Variants in WASF3 observed in about 807,000 individuals in gnomAD.
WASF3 encodes the protein WASP family member 3.
WASF3 carries 11 observed loss-of-function variants against 46.6 expected under a neutral mutation model. The observed-to-expected ratio is 0.24, with a 90% CI of 0.15 to 0.39. The LOEUF is 0.39. WASF3 is among the 10% of genes least tolerant of loss of function. The pLI, the probability that WASF3 is intolerant of heterozygous loss-of-function variation, is 1.00. For missense variants in WASF3, 576 were observed against 669.8 expected (o/e 0.86, Z 1.55); for synonymous variants, 242 against 259.7 (o/e 0.93, Z 0.65).
chr13:26,623,067 A>G (rs1009967989), intron 2 of WASF3, among the ~76,000 whole-genome samples: 40 of 152,242 alleles, frequency 2.6e-4, no homozygotes, highest in African/African-American at 9.4e-4. Flanking sequence ...GGGAACAGGT[A>G]ACCATCATAG....
At chr13:26,646,535 C>T (rs1014802129) in intron 3 of WASF3, among the ~76,000 whole-genome samples, 2 of 152,160 alleles carry the variant, frequency 1.3e-5, no homozygotes, top group Non-Finnish European at 2.9e-5. Context: ...ACCTGTGTCA[C>T]TCCCCTCCCA....
chr13:26,569,904 C>T (rs1593371134), intron 1 of WASF3, among the ~76,000 whole-genome samples: 1 of 152,202 alleles, frequency 6.6e-6, no homozygotes, highest in Admixed American at 6.5e-5. Context: ...AGATTTTTAA[C>T]AAGATATTCA....
At chr13:26,611,492 T>G (rs758485074) in intron 1 of WASF3, among the ~76,000 whole-genome samples, 2 of 152,226 alleles carry the variant, frequency 1.3e-5, no homozygotes, top group Non-Finnish European at 2.9e-5. Context: ...ACATAGGATG[T>G]TGGACATTTT....
At chr13:26,562,156 T>C (rs1335898736) in intron 1 of WASF3, among the ~76,000 whole-genome samples, 2 of 152,280 alleles carry the variant, frequency 1.3e-5, no homozygotes, top group East Asian at 1.9e-4. Context: ...ATGGAAGCTG[T>C]TGGAGTAGAT....
At chr13:26,578,993 CTTTTTTT>C (rs200299739) in intron 1 of WASF3, among the ~76,000 whole-genome samples, 644 of 60,676 alleles carry the variant, frequency 0.011, 15 homozygotes, top group African/African-American at 0.043. Context: ...GATACATTTC[CTTTTTTT>C]TTTTTTTTTT....
At chr13:26,543,945 G>A in the WASF3 span, among the ~76,000 whole-genome samples, 31 of 152,234 alleles carry the variant, frequency 2.0e-4, no homozygotes, top group African/African-American at 7.0e-4. Context: ...TGACATATAG[G>A]CTCGTTCCTT....
chr13:26,595,568 CAT>C (rs1159979589), intron 1 of WASF3, among the ~76,000 whole-genome samples: 13 of 152,216 alleles, frequency 8.5e-5, no homozygotes, highest in East Asian at 7.7e-4. Context: ...AGTTTTAGCA[CAT>C]GTGTAGATTC....
intron 1 of WASF3, among the ~76,000 whole-genome samples, chr13:26,564,900 G>GTTTTTTTTTTTTTTTTTTTTTTTTTTTT (rs66809412): frequency 7.3e-5 from 6 of 81,636 alleles, no homozygotes; most frequent in South Asian, 1.1e-3. Flanking sequence ...CAAGGTTGTG[G>GTTTTTTTTTTTTTTTTTTTTTTTTTTTT]TTTTTTTTTT....
rs760968762 is a variant in WASF3, at chr13:26,685,867, G to A, written c.*22G>A. ...CTGAGCAAAGGCCGGCGGAGAGGCCGCGTGTGGGAGCGTGTTGAAGATTTT... is the reference window on the plus strand; with the variant it reads ...CTGAGCAAAGGCCGGCGGAGAGGCCACGTGTGGGAGCGTGTTGAAGATTTT... On this transcript the variant is annotated 3_prime_UTR_variant, in exon 10 of 10. Coordinates refer to ENST00000335327, the MANE Select transcript of WASF3 (RefSeq NM_006646.6). 1.7e-5 allele frequency: 27 copies of A among 1,603,624 alleles called. No homozygotes were observed. In the East Asian group the frequency reaches 3.6e-4, roughly 21 times the overall value.
intron 1 of WASF3, among the ~76,000 whole-genome samples, chr13:26,593,280 C>T (rs1403557947): frequency 6.6e-6 from 1 of 152,158 alleles, no homozygotes; most frequent in Non-Finnish European, 1.5e-5. Context: ...CATGGGCTTC[C>T]CTCAGCGTAC....
chr13:26,628,055 G>A (rs995736847), intron 2 of WASF3, among the ~76,000 whole-genome samples: 14 of 69,010 alleles, frequency 2.0e-4, no homozygotes, highest in African/African-American at 9.3e-4. Context: ...CCCGTACATG[G>A]AAATGTGTTT....
At chr13:26,622,291 G>T (rs1390557573) in intron 2 of WASF3, among the ~76,000 whole-genome samples, 1 of 152,118 alleles carries the variant, frequency 6.6e-6, no homozygotes, top group East Asian at 1.9e-4. Context: ...AGTGGAGAAA[G>T]AAATCCACTA....
intron 1 of WASF3, among the ~76,000 whole-genome samples, chr13:26,574,242 A>G (rs1879724626): frequency 6.6e-6 from 1 of 152,162 alleles, no homozygotes; most frequent in Non-Finnish European, 1.5e-5. Flanking sequence ...CAGAACAACT[A>G]CTTTGTTGGT....
intron 1 of WASF3, among the ~76,000 whole-genome samples, chr13:26,597,401 C>T (rs927527512): frequency 6.6e-6 from 1 of 152,224 alleles, no homozygotes; most frequent in African/African-American, 2.4e-5. Context: ...TCCGAAAGTG[C>T]TGGGATTACA....
At chr13:26,638,917 A>C (rs767921609) in intron 2 of WASF3, among the ~76,000 whole-genome samples, 5 of 152,174 alleles carry the variant, frequency 3.3e-5, no homozygotes, top group Non-Finnish European at 7.3e-5. Flanking sequence ...TGGGTGGTTA[A>C]AAAGAGTCTG....
chr13:26,567,825 G>GTA lies in WASF3; in HGVS notation c.-109+10017_-109+10018dup, dbSNP rs550819221. 6.5e-3 allele frequency among the ~76,000 whole-genome samples: 990 copies of GTA among 151,756 alleles called. 5 individuals are homozygous for GTA. Among genetic ancestry groups the GTA allele is most frequent in the Middle Eastern group, 0.014 (4 of 294 alleles). ...TATACGTGTATATATACGTGTGTGTGTATATATATATAAAGAAAGCGAAGC... is the reference window on the plus strand; with the variant it reads ...TATACGTGTATATATACGTGTGTGTGTATATATATATATAAAGAAAGCGAAGC... On this transcript the variant is annotated intron_variant, in intron 1 of 9. Coordinates refer to ENST00000335327, the MANE Select transcript of WASF3 (RefSeq NM_006646.6).
intron 3 of WASF3, among the ~76,000 whole-genome samples, chr13:26,644,046 G>T (rs142087474): frequency 1.4e-4 from 21 of 152,314 alleles, no homozygotes; most frequent in African/African-American, 4.8e-4. Context: ...ATCCACAAGG[G>T]TTCTTTAAAT....
intron 1 of WASF3, chr13:26,577,526 G>C: frequency 7.6e-7 from 1 of 1,309,982 alleles, no homozygotes; most frequent in Non-Finnish European, 1.1e-6. Context: ...CGTTAGAAAA[G>C]TAAAAATGCT....
chr13:26,668,698 C>A (rs894921832), intron 5 of WASF3, among the ~76,000 whole-genome samples: 2 of 152,246 alleles, frequency 1.3e-5, no homozygotes, highest in Non-Finnish European at 2.9e-5. Context: ...GCAGTTCAAA[C>A]TACACCACTT....
Sources: gnomAD v4.1 joint callset for allele counts (sites outside exome capture counted in the v4.1 genomes callset) on GRCh38, gnomAD v4.1.1 for gene constraint, MANE v1.5 for transcripts, NCBI Gene and HGNC (gene_info 2026-07-23, HGNC 2026-07-21) for gene names.